RPL18: variants seen among roughly 807,000 people sequenced by gnomAD.
The protein encoded by RPL18 is large ribosomal subunit protein eL18.
A neutral mutation model predicts 25.0 loss-of-function variants in RPL18; 4 were observed. The ratio of observed to expected loss-of-function variants is 0.16; its 90% CI spans 0.08 to 0.37. RPL18 has a LOEUF of 0.37. Among genes scored for constraint, RPL18 ranks in the 10% least tolerant of loss-of-function variants. The probability of loss-of-function intolerance (pLI) is 1.00; values close to 1 mark genes in which losing one functional copy is unlikely to be tolerated. For missense variants in RPL18, 179 were observed against 267.9 expected (o/e 0.67, Z 2.32); for synonymous variants, 129 against 101.6 (o/e 1.27, Z -1.62).
chr19:48,615,595 G>T, intron 6 of RPL18, 148 bp from the exon 7 acceptor site: 1 of 734,076 alleles, frequency 1.4e-6, no homozygotes, highest in East Asian at 2.5e-5. Flanking sequence ...CAAGGAGCCA[G>T]GAGGGGCTAT....
At chr19:48,617,663 G>A (rs963231761) in intron 2 of RPL18, 128 bp downstream of exon 2, 110 of 749,142 alleles carry the variant, frequency 1.5e-4, no homozygotes, top group Middle Eastern at 1.1e-3. Context: ...GGAGACCCTG[G>A]AACAGAACCA....
At chr19:48,618,777 C>G (rs1033357046) in intron 1 of RPL18, 2 of 307,322 alleles carry the variant, frequency 6.5e-6, no homozygotes, top group Non-Finnish European at 1.2e-5. Flanking sequence ...CCGCGGCCCC[C>G]ATCGAACCCG....
intron 1 of RPL18, 108 bp downstream of exon 1, chr19:48,619,033 C>T (rs1254089127): frequency 5.7e-6 from 7 of 1,226,804 alleles, no homozygotes; most frequent in African/African-American, 1.5e-5. Flanking sequence ...GGAATTGCTC[C>T]CTCCGGGCAG....
intron 6 of RPL18, chr19:48,615,655 G>A: frequency 1.6e-6 from 1 of 644,046 alleles, no homozygotes; most frequent in African/African-American, 1.8e-5. Context: ...GCTGGCAAAG[G>A]CCGGTGAACT....
intron 1 of RPL18, 132 bp downstream of exon 1, chr19:48,619,009 G>T: frequency 1.1e-6 from 1 of 926,590 alleles, no homozygotes; most frequent in Non-Finnish European, 1.7e-6. Context: ...CCCCAGAGTA[G>T]GTCCCCAGTA....
In RPL18 at chr19:48,615,432, G is replaced by A. The variant is rs1168630634; in HGVS notation, c.507C>T (p.Ser169=). 5.6e-6 allele frequency: 9 copies of A among 1,613,032 alleles called. No homozygotes were observed. The highest frequency in any genetic ancestry group is 5.0e-5 in the Admixed American group (3 of 59,918). Residue 169 remains serine (S), a synonymous_variant, in exon 7 of 7, where the codon TCC becomes TCT. Transcript: ENST00000549920. ...PHSHTKPYVR[S]KGRKFERARG... is the part of the protein sequence containing the mutation. ...TGGCACGCTCGAACTTCCGGCCCTT[G>A]GAGCGGACGTAGGGTCTGTGGGGAG...
intron 6 of RPL18, 64 bp from the exon 7 acceptor site, chr19:48,615,511 G>A (rs1454004676): frequency 1.7e-6 from 2 of 1,211,752 alleles, no homozygotes; most frequent in Middle Eastern, 1.9e-4. Context: ...GAGTGGCACA[G>A]GAACACCACA....
chr19:48,617,960 G>A (rs1783916389), intron 1 of RPL18, 83 bp from the exon 2 acceptor site: 1 of 1,094,988 alleles, frequency 9.1e-7, no homozygotes, highest in African/African-American at 1.5e-5. Flanking sequence ...TGAGAGCTGG[G>A]ACACAAGCCC....
intron 4 of RPL18, 44 bp downstream of exon 4, chr19:48,616,682 T>G (rs442383): frequency 4.7e-6 from 5 of 1,055,470 alleles, no homozygotes; most frequent in East Asian, 4.0e-5. Context: ...CACAGCACAG[T>G]ACAGCAAGGG....
At position 48,615,389 on chromosome 19, in the gene RPL18, G is replaced by A. The variant is rs776881353; in HGVS notation, c.550C>T (p.Arg184Ter). 2.4e-5 allele frequency: 39 copies of A among 1,612,306 alleles called. No individual in the cohort carries two copies. The highest frequency in any genetic ancestry group is 3.2e-5 in the Non-Finnish European group (38 of 1,179,282). ...FERARGRRASRGYKN is the reference protein window; with the variant it reads ...FERARGRRAS ...ATCCAGGGTTAGTTTTTGTAGCCTC[G>A]GCTGGCCCGTCGGCCTCTGGCACGC... Residue 184 changes from arginine to a stop codon, truncating the protein, a stop_gained, in exon 7 of 7, where the codon CGA (arginine) becomes TGA (stop). Transcript: ENST00000549920. LOFTEE classifies it high-confidence loss of function.
Position 48,617,432 on chromosome 19 carries a change from A to T in RPL18, c.91-9T>A, listed in dbSNP as rs373036158. On this transcript the variant is annotated splice_polypyrimidine_tract_variant and intron_variant, in intron 2 of 6. Coordinates refer to ENST00000549920, the MANE Select transcript of RPL18 (RefSeq NM_000979.4). ...GCCAGAAACCTGTATAACTGGAGGG[A>T]CGGGAAGACAGTGAGAAGCTGGGAC... 9 of 1,604,088 alleles carry T rather than the reference A, an allele frequency of 5.6e-6. No homozygotes were observed. The African/African-American group carries it at 1.2e-4, about 21-fold the overall frequency.
intron 3 of RPL18, 130 bp downstream of exon 3, chr19:48,617,186 C>A: frequency 1.2e-6 from 1 of 810,356 alleles, no homozygotes; most frequent in Non-Finnish European, 2.2e-6. Flanking sequence ...CCAAGCTCTA[C>A]GCTCGCGACT....
At chr19:48,616,299 G>A in intron 4 of RPL18, 97 bp from the exon 5 acceptor site, 2 of 1,500,316 alleles carry the variant, frequency 1.3e-6, no homozygotes, top group Non-Finnish European at 1.8e-6. Context: ...GCAGAGCCCT[G>A]GTAACCAACA....
chr19:48,616,284 G>T, intron 4 of RPL18, 82 bp from the exon 5 acceptor site: 1 of 1,555,732 alleles, frequency 6.4e-7, no homozygotes. Context: ...CACTGCCTTG[G>T]CGCAGCAGAG....
chr19:48,616,466 T>C, intron 4 of RPL18: 2 of 672,754 alleles, frequency 3.0e-6, no homozygotes, highest in South Asian at 1.6e-5. Context: ...AGTCTAGACT[T>C]GAGCCCAGGC....
chr19:48,615,964 G>C lies in RPL18; in HGVS notation c.422-18C>G, dbSNP rs574852321. ...GCGAGGACCTAGGGAAGGGGAAGGA[G>C]AACCGGGTGAGACAGGGATCTGGCG... On this transcript the variant is annotated intron_variant, in intron 5 of 6. Coordinates refer to ENST00000549920, the MANE Select transcript of RPL18 (RefSeq NM_000979.4). The C allele has an allele frequency of 1.9e-6, 3 of 1,614,008 alleles. No individual in the cohort carries two copies. Among genetic ancestry groups the C allele is most frequent in the South Asian group, 1.1e-5 (1 of 91,066 alleles).
chr19:48,616,025 G>T, intron 5 of RPL18, 54 bp downstream of exon 5: 1 of 1,613,906 alleles, frequency 6.2e-7, no homozygotes, highest in Non-Finnish European at 8.5e-7. Flanking sequence ...GGAGGGTGAA[G>T]GCTGCCAGTA....
chr19:48,616,642 A>ACCAGCACAGCACAGC (rs771749774), intron 4 of RPL18, 84 bp downstream of exon 4: 2 of 718,444 alleles, frequency 2.8e-6, no homozygotes, highest in Non-Finnish European at 2.1e-6. Context: ...CTGAGGATGG[A>ACCAGCACAGCACAGC]CCAGCACAGC....
chr19:48,617,789 A>G lies in RPL18; in HGVS notation c.90+2T>C. On this transcript the variant is annotated splice_donor_variant, in intron 2 of 6. Transcript: ENST00000549920. LOFTEE classifies it high-confidence loss of function. ...CCCAAAGACCTCAGGGCCCAGCCTCACCTTGACCAACAGCCTCAGGTAGAT... is the reference window on the plus strand; with the variant it reads ...CCCAAAGACCTCAGGGCCCAGCCTCGCCTTGACCAACAGCCTCAGGTAGAT... 1 of 1,613,154 alleles carries G rather than the reference A, an allele frequency of 6.2e-7. No homozygotes were observed.
Sources: allele counts gnomAD v4.1 joint callset, GRCh38; gene constraint gnomAD v4.1.1; transcripts MANE v1.5; gene names NCBI Gene and HGNC (gene_info 2026-07-23, HGNC 2026-07-21).